The following VPS13B variants were observed in gnomAD, a reference collection of about 807,000 sequenced individuals.
VPS13B encodes the protein intermembrane lipid transfer protein VPS13B.
In VPS13B, 285 loss-of-function variants were observed where a neutral mutation model predicts 426.4. The observed-to-expected ratio is 0.67, with a 90% confidence interval of 0.61 to 0.74. The LOEUF is 0.74. Among genes scored for constraint, VPS13B ranks in the 30% least tolerant of loss-of-function variants. VPS13B has a pLI of 0.00. For synonymous variants in VPS13B, 1,676 were observed against 1,676.4 expected, an observed-to-expected ratio of 1.00 and a Z score of 0.01; for missense variants, 4,537 against 4,782.6, an observed-to-expected ratio of 0.95 and a Z score of 1.51.
At chr8:99,254,037 C>T (rs941703779) in intron 17 of VPS13B, among the ~76,000 whole-genome samples, 1 of 152,130 alleles carries the variant, frequency 6.6e-6, no homozygotes, top group Non-Finnish European at 1.5e-5. Context: ...TCATGGAGAA[C>T]CATATCAGAT....
At chr8:99,024,493 G>T (rs1404967515) in intron 2 of VPS13B, among the ~76,000 whole-genome samples, 1 of 152,150 alleles carries the variant, frequency 6.6e-6, no homozygotes, top group Non-Finnish European at 1.5e-5. Context: ...TGAGAGATCG[G>T]GATCTAGTGT....
chr8:99,353,617 A>G (rs1812021642), intron 19 of VPS13B, among the ~76,000 whole-genome samples: 1 of 151,902 alleles, frequency 6.6e-6, no homozygotes, highest in South Asian at 2.1e-4. Context: ...AAAAAAAAAA[A>G]ACAACAGAAT....
intron 35 of VPS13B, among the ~76,000 whole-genome samples, chr8:99,665,075 T>G (rs544890253): frequency 2.6e-5 from 4 of 152,266 alleles, no homozygotes; most frequent in Non-Finnish European, 4.4e-5. Context: ...CCAATGATGA[T>G]GAGCATTTTT....
intron 39 of VPS13B, among the ~76,000 whole-genome samples, chr8:99,759,604 T>G (rs1209034114): frequency 6.6e-6 from 1 of 152,144 alleles, no homozygotes; most frequent in Non-Finnish European, 1.5e-5. Flanking sequence ...TGCCAACCCC[T>G]TATTCAGTAT....
chr8:99,519,547 C>T (rs920300894), intron 29 of VPS13B, among the ~76,000 whole-genome samples: 1 of 152,042 alleles, frequency 6.6e-6, no homozygotes, highest in Non-Finnish European at 1.5e-5. Context: ...GACTTGGAAC[C>T]AACCCAAATG....
intron 3 of VPS13B, among the ~76,000 whole-genome samples, chr8:99,046,082 G>T (rs1316088861): frequency 6.6e-6 from 1 of 152,016 alleles, no homozygotes; most frequent in Non-Finnish European, 1.5e-5. Context: ...TTCTGTGAAG[G>T]ATGATGGTGG....
chr8:99,022,032 CTTA>C (rs1025990742), intron 2 of VPS13B, among the ~76,000 whole-genome samples: 2 of 151,844 alleles, frequency 1.3e-5, no homozygotes, highest in African/African-American at 4.8e-5. Flanking sequence ...TTGCTAGGGT[CTTA>C]TTAATTTTAT....
At chr8:99,482,439 G>A (rs1034132404) in intron 25 of VPS13B, among the ~76,000 whole-genome samples, 5 of 152,000 alleles carry the variant, frequency 3.3e-5, no homozygotes, top group African/African-American at 1.2e-4. Context: ...TAAATAAAAG[G>A]AAAGTAATTT....
chr8:99,710,909 G>A (rs951072895), intron 36 of VPS13B, among the ~76,000 whole-genome samples: 2 of 151,992 alleles, frequency 1.3e-5, no homozygotes, highest in African/African-American at 4.8e-5. Flanking sequence ...GGAGGCTGAG[G>A]CAAGGGAATT....
chr8:99,215,396 A>T (rs1371841491), intron 17 of VPS13B, among the ~76,000 whole-genome samples: 1 of 152,216 alleles, frequency 6.6e-6, no homozygotes, highest in Non-Finnish European at 1.5e-5. Context: ...GAATTTCTGT[A>T]TGCATTCTTA....
In VPS13B at chr8:99,302,512, AT is replaced by A. The variant is rs564465033; in HGVS notation, c.2824+27269del. 1.2e-3 allele frequency among the ~76,000 whole-genome samples: 174 copies of A among 148,154 alleles called. 2 individuals are homozygous for A. In the East Asian group the frequency reaches 0.026, roughly 22 times the overall value. On this transcript the variant is annotated intron_variant, in intron 19 of 61. Coordinates refer to ENST00000357162, the MANE Select transcript of VPS13B (RefSeq NM_152564.5). ...ATGCAATTTATTGAATACTCTATTGATTTTTTTTTTTATTAAAGACAGAGTT... is the reference window on the plus strand; with the variant it reads ...ATGCAATTTATTGAATACTCTATTGATTTTTTTTTTATTAAAGACAGAGTT...
chr8:99,013,603 C>A (rs1029719602), intron 1 of VPS13B, among the ~76,000 whole-genome samples, 157 bp from the exon 2 acceptor site: 1 of 152,184 alleles, frequency 6.6e-6, no homozygotes, highest in African/African-American at 2.4e-5. Flanking sequence ...GTGAGGAAGT[C>A]GCAGCTGGAG....
At chr8:99,329,033 C>T (rs957983785) in intron 19 of VPS13B, among the ~76,000 whole-genome samples, 2 of 152,060 alleles carry the variant, frequency 1.3e-5, no homozygotes, top group Admixed American at 6.6e-5. Context: ...CAGTTGAGTG[C>T]TTCTTAGCTT....
chr8:99,583,712 G>T (rs1211136174), intron 33 of VPS13B, among the ~76,000 whole-genome samples: 1 of 152,174 alleles, frequency 6.6e-6, no homozygotes, highest in Non-Finnish European at 1.5e-5. Context: ...CTTTAATTGT[G>T]TGGTTGCGTA....
intron 30 of VPS13B, among the ~76,000 whole-genome samples, chr8:99,551,862 A>T (rs1388707654): frequency 2.0e-5 from 3 of 151,910 alleles, no homozygotes; most frequent in Non-Finnish European, 4.4e-5. Flanking sequence ...TGTCTTCCTT[A>T]TGATTATTTC....
At chr8:99,649,577 G>A (rs960353550) in intron 34 of VPS13B, among the ~76,000 whole-genome samples, 1 of 151,452 alleles carries the variant, frequency 6.6e-6, no homozygotes, top group Non-Finnish European at 1.5e-5. Context: ...GCTGCTTAAA[G>A]TCTTAAATGC....
At chr8:99,115,437 G>T (rs1375847776) in intron 6 of VPS13B, among the ~76,000 whole-genome samples, 1 of 151,998 alleles carries the variant, frequency 6.6e-6, no homozygotes, top group Non-Finnish European at 1.5e-5. Flanking sequence ...AATCTAGTGT[G>T]ATTATACCTT....
At chr8:99,756,457 A>G (rs1334922287) in intron 39 of VPS13B, among the ~76,000 whole-genome samples, 3 of 152,228 alleles carry the variant, frequency 2.0e-5, no homozygotes, top group African/African-American at 4.8e-5. Flanking sequence ...ATGGGCAAAC[A>G]CTTCCCAAAT....
intron 56 of VPS13B, 107 bp from the exon 57 acceptor site, chr8:99,859,197 A>G: frequency 7.3e-7 from 1 of 1,367,932 alleles, no homozygotes; most frequent in Non-Finnish European, 1.0e-6. Flanking sequence ...TACTTTCCCA[A>G]TTCTAGTGTG....
Sources: gnomAD v4.1 joint callset for allele counts (sites outside exome capture counted in the v4.1 genomes callset) on GRCh38, gnomAD v4.1.1 for gene constraint, MANE v1.5 for transcripts, NCBI Gene and HGNC (gene_info 2026-07-23, HGNC 2026-07-21) for gene names.